ZKSCAN8: variants seen among roughly 807,000 people sequenced by gnomAD.
ZKSCAN8 encodes zinc finger protein with KRAB and SCAN domains 8.
ZKSCAN8 carries 27 observed loss-of-function variants against 57.2 expected under a neutral mutation model. That is an observed-to-expected ratio of 0.47 (90% confidence interval 0.35 to 0.65). The LOEUF is 0.65. ZKSCAN8 is among the 30% of genes least tolerant of loss of function. The pLI, the probability that ZKSCAN8 is intolerant of heterozygous loss-of-function variation, is 0.01. For synonymous variants in ZKSCAN8, 214 were observed against 248.7 expected (o/e 0.86, Z 1.31); for missense variants, 597 against 696.3 (o/e 0.86, Z 1.60).
At chr6:28,145,060 CA>C (rs1035977879) in intron 1 of ZKSCAN8, among the ~76,000 whole-genome samples, 53 of 141,948 alleles carry the variant, frequency 3.7e-4, no homozygotes, top group Admixed American at 4.2e-4. Flanking sequence ...CCATCTCAAA[CA>C]AAAAAAAAAA....
intron 1 of ZKSCAN8, among the ~76,000 whole-genome samples, chr6:28,145,523 A>T (rs1765364570): frequency 6.6e-6 from 1 of 152,180 alleles, no homozygotes; most frequent in African/African-American, 2.4e-5. Flanking sequence ...CTCTGGCAGT[A>T]CAGGGCTACT....
chr6:28,149,414 G>A, intron 2 of ZKSCAN8, 69 bp from the exon 3 acceptor site: 1 of 1,584,434 alleles, frequency 6.3e-7, no homozygotes, highest in East Asian at 2.3e-5. Flanking sequence ...ATGTGTTCGT[G>A]GTCCTCTTTC....
intron 2 of ZKSCAN8, among the ~76,000 whole-genome samples, chr6:28,149,268 G>T (rs928457849): frequency 2.0e-5 from 3 of 152,140 alleles, no homozygotes; most frequent in Non-Finnish European, 4.4e-5. Context: ...GAAGGCATCA[G>T]CAGAAATCTT....
intron 2 of ZKSCAN8, 94 bp downstream of exon 2, chr6:28,148,918 C>T (rs1347119322): frequency 2.9e-6 from 4 of 1,386,536 alleles, no homozygotes; most frequent in African/African-American, 1.4e-5. Flanking sequence ...AGATGCTTAG[C>T]ATCAGTTTCT....
At chr6:28,151,326 G>A (rs950854949) in intron 3 of ZKSCAN8, among the ~76,000 whole-genome samples, 3 of 152,008 alleles carry the variant, frequency 2.0e-5, no homozygotes, top group Non-Finnish European at 4.4e-5. Context: ...TTCTAAAGAA[G>A]CATTAAAACA....
Position 28,152,263 on chromosome 6 carries a change from T to C in ZKSCAN8, c.654T>C (p.Thr218=). The change falls in exon 5 of 6, where the codon ACT becomes ACC. Residue 218 remains threonine (T), a splice_region_variant and synonymous_variant. Coordinates refer to ENST00000330236, the MANE Select transcript of ZKSCAN8 (RefSeq NM_006298.4). The part of the protein sequence containing the change: ...TATLLTAGFQ[T]LEKIEDMAVS... The stretch of plus-strand genomic sequence containing the variant: ...ATGGGGATCTTGTTTTGTTTCAGAC[T>C]TTGGAGAAGATTGAAGACATGGCTG... The C allele has an allele frequency of 6.2e-7, 1 of 1,605,996 alleles. No individual in the cohort carries two copies. The highest frequency in any genetic ancestry group is 8.5e-7 in the Non-Finnish European group (1 of 1,177,414).
chr6:28,145,535 TA>T (rs949962060), intron 1 of ZKSCAN8, among the ~76,000 whole-genome samples: 203 of 145,218 alleles, frequency 1.4e-3, no homozygotes, highest in African/African-American at 2.3e-3. Flanking sequence ...AGGGCTACTG[TA>T]AAAAAAAAAA....
At position 28,151,935 on chromosome 6, in the gene ZKSCAN8, A is replaced by C; in HGVS notation, c.650A>C (p.Gln217Pro). ...MTATLLTAGFQTLEKIEDMAV... is the reference protein window; with the variant it reads ...MTATLLTAGFPTLEKIEDMAV... ...GCTACACTTCTCACAGCAGGGTTCC[A>C]GGTGAGTTGTGCTCCTTCTCACTGA... Residue 217 changes from glutamine to proline, a missense_variant and splice_region_variant, in exon 4 of 6, where the codon CAG becomes CCG. Coordinates refer to ENST00000330236, the MANE Select transcript of ZKSCAN8 (RefSeq NM_006298.4). 1 of 1,614,054 alleles carries C rather than the reference A, an allele frequency of 6.2e-7. No homozygotes were observed. Among genetic ancestry groups the C allele is most frequent in the African/African-American group, 1.3e-5 (1 of 75,046 alleles).
Position 28,152,379 on chromosome 6 carries a change from C to G in ZKSCAN8, c.770C>G (p.Ser257Cys), listed in dbSNP as rs762291804. 1.2e-6 allele frequency: 2 copies of G among 1,607,182 alleles called. No individual in the cohort carries two copies. The highest frequency in any genetic ancestry group is 2.2e-5 in the East Asian group (1 of 44,822). The change falls in exon 5 of 6, where the codon TCC (serine) becomes TGC (cysteine). Residue 257 changes from serine (S) to cysteine (C), a missense_variant. Transcript: ENST00000330236. ...NRPENFRNMF[S>C]LGGETRSENR... Reference sequence around the variant, plus strand: ...CCAGAAAATTTCAGAAACATGTTCTCCCTGGGTAAGGAGAGGTGTGGTTAT... The same window carrying G: ...CCAGAAAATTTCAGAAACATGTTCTGCCTGGGTAAGGAGAGGTGTGGTTAT...
chr6:28,146,147 CACTCTT>C (rs1561817853), intron 1 of ZKSCAN8, among the ~76,000 whole-genome samples: 1 of 152,170 alleles, frequency 6.6e-6, no homozygotes, highest in Non-Finnish European at 1.5e-5. Context: ...TTCTAAATCT[CACTCTT>C]ACAAGAAATA....
chr6:28,154,143 G>A lies in ZKSCAN8; in HGVS notation c.*126G>A. On this transcript the variant is annotated 3_prime_UTR_variant, in exon 6 of 6. Transcript: ENST00000330236. Reference sequence around the variant, plus strand: ...CTTTAGTGTCAGAATCTATAGTGGTGGCAAAGTTAGGATAGCTCTTTAGTA... The same window carrying A: ...CTTTAGTGTCAGAATCTATAGTGGTAGCAAAGTTAGGATAGCTCTTTAGTA... The A allele has an allele frequency of 1.4e-6, 2 of 1,380,996 alleles. No individual in the cohort carries two copies. Among genetic ancestry groups the A allele is most frequent in the South Asian group, 1.5e-5 (1 of 66,900 alleles). 85.5% of individuals were successfully genotyped at this position (1,380,996 alleles called of 1,614,324 possible).
Position 28,149,502 on chromosome 6 carries a change from G to C in ZKSCAN8, c.437G>C (p.Gly146Ala), listed in dbSNP as rs528400956. 15 of 1,614,002 alleles carry C rather than the reference G, an allele frequency of 9.3e-6. No homozygotes were observed. The African/African-American group carries it at 1.9e-4, about 20-fold the overall frequency. ...TTCCAGGTCTCAGCTCGCGTACATG[G>C]ACATAGGGTACTCTGGGAGGAGGTA... ...LGRPVSARVH[G>A]HRVLWEEVVH... Residue 146 changes from glycine to alanine, a missense_variant, in exon 3 of 6, where the codon GGA becomes GCA. Physicochemically the swap from Gly to Ala is moderately conservative, Grantham distance 60. Coordinates refer to ENST00000330236, the MANE Select transcript of ZKSCAN8 (RefSeq NM_006298.4).
chr6:28,149,506 T>C lies in ZKSCAN8; in HGVS notation c.441T>C (p.His147=), dbSNP rs1170735204. ...AGGTCTCAGCTCGCGTACATGGACA[T>C]AGGGTACTCTGGGAGGAGGTAGTAC... The part of the protein sequence containing the change: ...GRPVSARVHG[H]RVLWEEVVHS... Residue 147 remains histidine (H), a synonymous_variant, in exon 3 of 6, where the codon CAT becomes CAC. Transcript: ENST00000330236. 2 of 1,614,132 alleles carry C rather than the reference T, an allele frequency of 1.2e-6. No individual in the cohort carries two copies. The highest frequency in any genetic ancestry group is 1.7e-6 in the Non-Finnish European group (2 of 1,180,000).
intron 1 of ZKSCAN8, 80 bp from the exon 2 acceptor site, chr6:28,148,236 C>G: frequency 1.5e-6 from 1 of 648,988 alleles, no homozygotes; most frequent in South Asian, 2.1e-5. Flanking sequence ...CCGTGTCATA[C>G]TAAGGAACTT....
At chr6:28,152,124 C>T in intron 4 of ZKSCAN8, 137 bp from the exon 5 acceptor site, 1 of 1,414,888 alleles carries the variant, frequency 7.1e-7, no homozygotes, top group Admixed American at 2.3e-5. Flanking sequence ...TCCTCTTCTT[C>T]CTAGCTATTC....
chr6:28,153,431 G>T lies in ZKSCAN8; in HGVS notation c.1151G>T (p.Gly384Val). Residue 384 changes from glycine to valine, a missense_variant, in exon 6 of 6, where the codon GGC (glycine) becomes GTC (valine). Coordinates refer to ENST00000330236, the MANE Select transcript of ZKSCAN8 (RefSeq NM_006298.4). ...KVKRYHCKEC[G>V]KAFSQNTGLI... Reference sequence around the variant, plus strand: ...AAACGCTATCACTGTAAGGAGTGTGGCAAAGCCTTCAGTCAGAACACAGGC... The same window carrying T: ...AAACGCTATCACTGTAAGGAGTGTGTCAAAGCCTTCAGTCAGAACACAGGC... 1 of 1,614,202 alleles carries T rather than the reference G, an allele frequency of 6.2e-7. No individual in the cohort carries two copies. The highest frequency in any genetic ancestry group is 1.1e-5 in the South Asian group (1 of 91,090).
Position 28,153,938 on chromosome 6 carries a change from A to G in ZKSCAN8, c.1658A>G (p.Lys553Arg), listed in dbSNP as rs758873700. 1 of 1,614,164 alleles carries G rather than the reference A, an allele frequency of 6.2e-7. No individual in the cohort carries two copies. Residue 553 changes from lysine (K) to arginine (R), a missense_variant, in exon 6 of 6, where the codon AAA (lysine) becomes AGA (arginine). Coordinates refer to ENST00000330236, the MANE Select transcript of ZKSCAN8 (RefSeq NM_006298.4). ...CCCTACCAATGTAATGAGTGTGGGA[A>G]AGCCTTTATTCAGAGGTCAAGTCTC... ...EKPYQCNECG[K>R]AFIQRSSLIR... is the part of the protein sequence containing the mutation.
Position 28,148,804 on chromosome 6 carries a change from A to G in ZKSCAN8, c.397A>G (p.Ile133Val), listed in dbSNP as rs1765493045. Residue 133 changes from isoleucine (I) to valine (V), a missense_variant, in exon 2 of 6, where the codon ATT (isoleucine) becomes GTT (valine). Coordinates refer to ENST00000330236, the MANE Select transcript of ZKSCAN8 (RefSeq NM_006298.4). ...CCTATTAGAGGATTTGGAAAGGCAG[A>G]TTGATATACTAGGACGACCAGTAAG... ...VTLLEDLERQ[I>V]DILGRPVSAR... 2 of 1,613,736 alleles carry G rather than the reference A, an allele frequency of 1.2e-6. No homozygotes were observed. The highest frequency in any genetic ancestry group is 1.7e-6 in the Non-Finnish European group (2 of 1,179,756).
Position 28,148,306 on chromosome 6 carries a change from C to A in ZKSCAN8, c.-92-10C>A. ...ACTTGCCTTAACACTATCATATTTT[C>A]TTCATGAAGAAGTACCCTTAGAAAG... On this transcript the variant is annotated splice_polypyrimidine_tract_variant and intron_variant, in intron 1 of 5. Transcript: ENST00000330236. 7.9e-7 allele frequency: 1 copy of A among 1,264,488 alleles called. No individual in the cohort carries two copies. The highest frequency in any genetic ancestry group is 1.1e-6 in the Non-Finnish European group (1 of 929,414). The allele number at this position is 1,264,488 out of a possible 1,614,324, so 78.3% of individuals were successfully genotyped here. A position where few individuals can be genotyped will look rare whatever the true frequency, so the allele number is the denominator to read the frequency against.
Sources: allele counts gnomAD v4.1 joint callset (sites outside exome capture counted in the v4.1 genomes callset), GRCh38; gene constraint gnomAD v4.1.1; transcripts MANE v1.5; gene names NCBI Gene and HGNC (gene_info 2026-07-23, HGNC 2026-07-21).